ANKFY1: variants seen among roughly 807,000 people sequenced by gnomAD.
ANKFY1 encodes ankyrin repeat and FYVE domain-containing protein 1.
In ANKFY1, 47 loss-of-function variants were observed where a neutral mutation model predicts 128.3. The observed-to-expected ratio is 0.37, with a 90% CI of 0.29 to 0.47. ANKFY1 has a LOEUF of 0.47. Among genes scored for constraint, ANKFY1 ranks in the 20% least tolerant of loss-of-function variants. The pLI, the probability that ANKFY1 is intolerant of heterozygous loss-of-function variation, is 1.00. For missense variants in ANKFY1, 1,222 were observed against 1,510.6 expected (o/e 0.81, Z 3.17); for synonymous variants, 553 against 601.6 (o/e 0.92, Z 1.18).
At chr17:4,263,842 C>T (rs1968560127) in intron 1 of ANKFY1, 90 bp downstream of exon 1, 2 of 1,611,604 alleles carry the variant, frequency 1.2e-6, no homozygotes, top group African/African-American at 1.3e-5. Context: ...GCAACCACGC[C>T]CGGCCTTCCC....
chr17:4,255,922 ATTC>A (rs1968092544), intron 1 of ANKFY1, among the ~76,000 whole-genome samples: 1 of 151,980 alleles, frequency 6.6e-6, no homozygotes, highest in East Asian at 1.9e-4. Flanking sequence ...GGTTCAAGCA[ATTC>A]TTCTGCCTCA....
chr17:4,172,172 C>A (rs2059333189), intron 22 of ANKFY1, among the ~76,000 whole-genome samples: 1 of 152,162 alleles, frequency 6.6e-6, no homozygotes, highest in Admixed American at 6.5e-5. Flanking sequence ...TCAGAGCATG[C>A]CGACACATGA....
intron 3 of ANKFY1, among the ~76,000 whole-genome samples, chr17:4,224,582 A>G (rs1429855149): frequency 1.3e-5 from 2 of 152,180 alleles, no homozygotes; most frequent in Admixed American, 1.3e-4. Context: ...TGAGAGGAAG[A>G]AAATTTAAAG....
chr17:4,200,102 C>A (rs2059901408), intron 7 of ANKFY1, among the ~76,000 whole-genome samples: 1 of 149,990 alleles, frequency 6.7e-6, no homozygotes, highest in African/African-American at 2.4e-5. Flanking sequence ...CACTCTGTCA[C>A]CCAGGCTGAA....
chr17:4,187,353 G>A (rs914109148), intron 11 of ANKFY1: 2 of 398,342 alleles, frequency 5.0e-6, no homozygotes, highest in African/African-American at 2.1e-5. Flanking sequence ...TTGTCAAGAT[G>A]ACTCCCACTT....
rs1185438775 is a variant in ANKFY1, at chr17:4,227,529, G to A, written c.322+8243C>T. 2.0e-5 allele frequency among the ~76,000 whole-genome samples: 3 copies of A among 152,212 alleles called. No homozygotes were observed. The South Asian group carries it at 6.2e-4, about 32-fold the overall frequency. On this transcript the variant is annotated intron_variant, in intron 3 of 24. Transcript: ENST00000341657. ...CCAGGAATACTCAAATTGATAAAGC[G>A]TATCCAAGAAAAACCTACAACTAAT...
chr17:4,263,721 G>A (rs1333868631), intron 1 of ANKFY1: 15 of 1,483,414 alleles, frequency 1.0e-5, no homozygotes, highest in East Asian at 2.5e-5. Context: ...CAGTCCCGCG[G>A]GGTCGGCATC....
intron 3 of ANKFY1, among the ~76,000 whole-genome samples, chr17:4,231,485 T>C (rs2060511640): frequency 6.6e-6 from 1 of 151,962 alleles, no homozygotes; most frequent in African/African-American, 2.4e-5. Flanking sequence ...TGAGACCCTA[T>C]CTCAAAAACA....
intron 2 of ANKFY1, among the ~76,000 whole-genome samples, chr17:4,237,516 TA>T (rs1458189014): frequency 6.6e-6 from 1 of 152,182 alleles, no homozygotes; most frequent in Non-Finnish European, 1.5e-5. Context: ...TATATATTTA[TA>T]AAGTATTACA....
chr17:4,203,669 G>T (rs1402477908), intron 7 of ANKFY1, among the ~76,000 whole-genome samples: 2 of 151,622 alleles, frequency 1.3e-5, no homozygotes, highest in Admixed American at 6.6e-5. Flanking sequence ...TACAAAATTA[G>T]CCGGGCGTGG....
chr17:4,261,546 T>A (rs1968417034), intron 1 of ANKFY1, among the ~76,000 whole-genome samples: 1 of 152,202 alleles, frequency 6.6e-6, no homozygotes, highest in African/African-American at 2.4e-5. Flanking sequence ...TACCTAGCTA[T>A]CCCCCTGCTA....
chr17:4,179,384 A>G, intron 17 of ANKFY1: 2 of 517,864 alleles, frequency 3.9e-6, no homozygotes, highest in Non-Finnish European at 6.9e-6. Flanking sequence ...GTTGAAAAGC[A>G]TCAAAGGGCG....
intron 3 of ANKFY1, among the ~76,000 whole-genome samples, chr17:4,220,332 T>C (rs932554109): frequency 6.6e-6 from 1 of 152,052 alleles, no homozygotes; most frequent in African/African-American, 2.4e-5. Context: ...ACAAAAAAAA[T>C]GTAGGCCATG....
At chr17:4,237,084 C>T (rs1220785700) in intron 2 of ANKFY1, among the ~76,000 whole-genome samples, 1 of 151,782 alleles carries the variant, frequency 6.6e-6, no homozygotes, top group East Asian at 1.9e-4. Flanking sequence ...TGCAGTGAGC[C>T]GAGATCGCGC....
intron 1 of ANKFY1, among the ~76,000 whole-genome samples, chr17:4,257,661 C>T (rs999632719): frequency 6.6e-6 from 1 of 152,204 alleles, no homozygotes. Flanking sequence ...AAAGTAACTC[C>T]TAAGCATTTT....
chr17:4,173,263 C>T (rs2059355087), intron 21 of ANKFY1, 91 bp downstream of exon 21: 3 of 1,283,308 alleles, frequency 2.3e-6, no homozygotes, highest in Admixed American at 1.8e-5. Flanking sequence ...TTTTGCAGCT[C>T]CTCCCTGGGG....
intron 1 of ANKFY1, among the ~76,000 whole-genome samples, chr17:4,247,993 A>G (rs1472800439): frequency 3.3e-5 from 5 of 152,204 alleles, no homozygotes; most frequent in Non-Finnish European, 7.3e-5. Context: ...CTCCCTGCAC[A>G]CTGATAGCCC....
chr17:4,173,256 T>C (rs1407333698), intron 21 of ANKFY1, 98 bp downstream of exon 21: 13 of 1,185,756 alleles, frequency 1.1e-5, no homozygotes, highest in Non-Finnish European at 1.6e-5. Context: ...CGGCCGGTTT[T>C]GCAGCTCCTC....
intron 11 of ANKFY1, 38 bp from the exon 12 acceptor site, chr17:4,185,084 A>G (rs1161659424): frequency 1.3e-6 from 2 of 1,576,318 alleles, no homozygotes; most frequent in Middle Eastern, 2.0e-4. Flanking sequence ...GAGCACTCAC[A>G]GGAATTCCCT....
Sources: allele counts gnomAD v4.1 joint callset (sites outside exome capture counted in the v4.1 genomes callset), GRCh38; gene constraint gnomAD v4.1.1; transcripts MANE v1.5; gene names NCBI Gene and HGNC (gene_info 2026-07-23, HGNC 2026-07-21).